The following ARAP2 variants were observed in gnomAD, a reference collection of about 807,000 sequenced individuals.
ARAP2 encodes the protein ArfGAP with RhoGAP domain, ankyrin repeat and PH domain 2, also known as arf-GAP with Rho-GAP domain, ANK repeat and PH domain-containing protein 2.
In ARAP2, 148 loss-of-function variants were observed where a neutral mutation model predicts 194.5. The ratio of observed to expected loss-of-function variants is 0.76; its 90% CI spans 0.67 to 0.87. The LOEUF (loss-of-function observed/expected upper bound fraction) is 0.87. Among genes scored for constraint, ARAP2 ranks in the 40% least tolerant of loss-of-function variants. ARAP2 has a pLI of 0.00. For synonymous variants in ARAP2, 695 were observed against 683.5 expected (o/e 1.02, Z -0.26); for missense variants, 2,128 against 1,989.7 (o/e 1.07, Z -1.32).
At chr4:36,189,886 T>C (rs143162734) in intron 7 of ARAP2, among the ~76,000 whole-genome samples, 1 of 152,316 alleles carries the variant, frequency 6.6e-6, no homozygotes, top group African/African-American at 2.4e-5. Flanking sequence ...TCTCCTTATA[T>C]CTGTCCATTA....
In ARAP2 at chr4:36,147,648, T is replaced by C. The variant is rs148810389; in HGVS notation, c.3099A>G (p.Arg1033=). 19 of 1,613,380 alleles carry C rather than the reference T, an allele frequency of 1.2e-5. No homozygotes were observed. The highest frequency in any genetic ancestry group is 1.5e-5 in the Non-Finnish European group (18 of 1,179,692). ...ATTTGTCCATAGCAAACCAGCCTTT[T>C]CTCCACTGATCCAGGGCATGGCAGT... ...YKDCHALDQW[R]KGWFAMDKSS... The change falls in exon 18 of 33, where the codon AGA becomes AGG. Residue 1033 remains arginine (R), a synonymous_variant. Coordinates refer to ENST00000303965, the MANE Select transcript of ARAP2 (RefSeq NM_015230.4).
chr4:36,147,341 T>G lies in ARAP2; in HGVS notation c.3218A>C (p.Gln1073Pro). 1.2e-6 allele frequency: 2 copies of G among 1,613,100 alleles called. No individual in the cohort carries two copies. The highest frequency in any genetic ancestry group is 1.7e-6 in the Non-Finnish European group (2 of 1,179,300). Residue 1073 changes from glutamine to proline, a missense_variant, in exon 19 of 33, where the codon CAA (glutamine) becomes CCA (proline). Physicochemically the swap from Gln to Pro is moderately conservative, Grantham distance 76. Transcript: ENST00000303965. ...TAAAACATCCAGTTTTTCCCCATTT[T>G]GAACCATTGTGCTGATTGCTGAAGG... is the stretch of plus-strand genomic sequence containing the variant. Reference protein sequence around the residue: ...LQELTISTMVQNGEKLDVLLL... With the variant: ...LQELTISTMVPNGEKLDVLLL...
chr4:36,033,841 G>A (rs2109208629), intron 5 of ARAP2, among the ~76,000 whole-genome samples: 1 of 151,870 alleles, frequency 6.6e-6, no homozygotes, highest in South Asian at 2.1e-4. Flanking sequence ...GTAAGGAATG[G>A]GTCCAATTTC....
intron 15 of ARAP2, chr4:36,157,657 G>A (rs1732884081): frequency 6.6e-6 from 1 of 152,044 alleles, no homozygotes; most frequent in Non-Finnish European, 1.5e-5. Context: ...ACTTTCATGA[G>A]GATTACAATT....
At chr4:36,064,505 C>T (rs1310655629), downstream of ARAP2, among the ~76,000 whole-genome samples, 1 of 152,146 alleles carries the variant, frequency 6.6e-6, no homozygotes, top group Non-Finnish European at 1.5e-5. Context: ...ACTTGCTGGC[C>T]CAGTTTGGGC....
At chr4:36,057,706 C>T (rs1723754301) in intron 2 of ARAP2, among the ~76,000 whole-genome samples, 2 of 151,644 alleles carry the variant, frequency 1.3e-5, no homozygotes, top group African/African-American at 4.8e-5. Flanking sequence ...TTTAAAATTC[C>T]AATTCTCTGA....
At chr4:36,047,382 G>C (rs1327802628) in intron 3 of ARAP2, 2 of 152,124 alleles carry the variant, frequency 1.3e-5, no homozygotes, top group Admixed American at 6.5e-5. Flanking sequence ...CATTCTAGTG[G>C]CCATATAAGC....
At chr4:36,131,969 G>C (rs1006502497) in intron 20 of ARAP2, among the ~76,000 whole-genome samples, 5 of 151,598 alleles carry the variant, frequency 3.3e-5, no homozygotes, top group African/African-American at 1.2e-4. Context: ...TTTTTCAGTA[G>C]ATATATAACA....
intron 20 of ARAP2, among the ~76,000 whole-genome samples, chr4:36,129,005 T>C (rs1174483981): frequency 6.6e-6 from 1 of 151,998 alleles, no homozygotes; most frequent in Non-Finnish European, 1.5e-5. Flanking sequence ...CTCCATAGTA[T>C]CTTTTCCAAA....
Position 36,082,603 on chromosome 4 carries a change from G to T in ARAP2, c.4509-317C>A, listed in dbSNP as rs113545521. ...AATAAGATAATATAGAGAGATGTAC[G>T]GTTACTGGGGGAAATTAAAGAACAT... On this transcript the variant is annotated intron_variant, in intron 29 of 32. Coordinates refer to ENST00000303965, the MANE Select transcript of ARAP2 (RefSeq NM_015230.4). Among the ~76,000 whole-genome samples, 290 of 152,192 alleles carry T rather than the reference G, an allele frequency of 1.9e-3. 1 individual carries two copies. The highest frequency in any genetic ancestry group is 6.7e-3 in the African/African-American group (279 of 41,546).
chr4:36,035,812 G>T (rs1406615706), intron 5 of ARAP2, among the ~76,000 whole-genome samples: 1 of 152,096 alleles, frequency 6.6e-6, no homozygotes, highest in Non-Finnish European at 1.5e-5. Flanking sequence ...AATTTTGGCA[G>T]AAGGAATATG....
At chr4:36,116,189 T>A (rs941746440) in intron 25 of ARAP2, among the ~76,000 whole-genome samples, 7 of 151,986 alleles carry the variant, frequency 4.6e-5, no homozygotes, top group African/African-American at 1.4e-4. Context: ...TACTAAGTAA[T>A]GTACTTAATG....
chr4:36,242,408 T>G (rs1034945995), intron 1 of ARAP2, among the ~76,000 whole-genome samples: 2 of 152,134 alleles, frequency 1.3e-5, no homozygotes, highest in African/African-American at 4.8e-5. Context: ...TTATAGTCAC[T>G]TTCACCAAAC....
chr4:36,207,963 C>A (rs1298580641), intron 6 of ARAP2, among the ~76,000 whole-genome samples: 1 of 152,206 alleles, frequency 6.6e-6, no homozygotes, highest in Non-Finnish European at 1.5e-5. Flanking sequence ...TTCACAGATT[C>A]GTTCCACAGC....
chr4:36,035,849 T>C (rs1280750099), intron 5 of ARAP2, among the ~76,000 whole-genome samples: 1 of 152,168 alleles, frequency 6.6e-6, no homozygotes, highest in African/African-American at 2.4e-5. Flanking sequence ...AAAACGTTTT[T>C]CCATATGTCT....
intron 2 of ARAP2, among the ~76,000 whole-genome samples, chr4:36,225,567 T>C (rs373194257): frequency 1.3e-5 from 2 of 152,104 alleles, no homozygotes; most frequent in African/African-American, 4.8e-5. Flanking sequence ...GAGGTTATTG[T>C]CCAGGCCAGC....
intron 19 of ARAP2, among the ~76,000 whole-genome samples, chr4:36,140,137 A>AACACAC (rs759611545): frequency 4.2e-5 from 2 of 47,640 alleles, no homozygotes; most frequent in East Asian, 8.4e-4. Flanking sequence ...AAACAAAAAC[A>AACACAC]ATACACACAC....
At chr4:36,080,338 G>C (rs376822282) in intron 30 of ARAP2, 59 bp from the exon 31 acceptor site, 3 of 1,379,168 alleles carry the variant, frequency 2.2e-6, no homozygotes, top group Non-Finnish European at 3.1e-6. Context: ...GTTCTCTAGT[G>C]TATCTGCTGA....
chr4:36,177,768 A>C, intron 9 of ARAP2, 59 bp downstream of exon 9: 1 of 1,459,762 alleles, frequency 6.9e-7, no homozygotes, highest in Non-Finnish European at 9.1e-7. Context: ...TTCCAAACAA[A>C]ACATAGTTGT....
Sources: gnomAD v4.1 joint callset for allele counts (sites outside exome capture counted in the v4.1 genomes callset) on GRCh38, gnomAD v4.1.1 for gene constraint, MANE v1.5 for transcripts, NCBI Gene and HGNC (gene_info 2026-07-23, HGNC 2026-07-21) for gene names.